The following PTPN1 variants were observed in gnomAD, a reference collection of about 807,000 sequenced individuals.
PTPN1 encodes the protein tyrosine-protein phosphatase non-receptor type 1.
Under a neutral mutation model 59.9 loss-of-function variants are expected in PTPN1, and 12 were observed. That is an observed-to-expected ratio of 0.20 (90% CI 0.13 to 0.32). The LOEUF (loss-of-function observed/expected upper bound fraction) is 0.32. PTPN1 is among the 10% of genes least tolerant of loss of function. The pLI is 1.00. For synonymous variants in PTPN1, 178 were observed against 203.6 expected (o/e 0.87, Z 1.07); for missense variants, 356 against 549.2 (o/e 0.65, Z 3.52).
chr20:50,550,495 A>G (rs771769076), intron 1 of PTPN1, among the ~76,000 whole-genome samples: 10 of 152,262 alleles, frequency 6.6e-5, no homozygotes, highest in African/African-American at 9.6e-5. Flanking sequence ...GTGTGGGTCA[A>G]CTGCAAATAA....
chr20:50,556,324 A>G (rs1330161229), intron 1 of PTPN1, among the ~76,000 whole-genome samples: 1 of 150,208 alleles, frequency 6.7e-6, no homozygotes, highest in Admixed American at 6.6e-5. Flanking sequence ...GTGTAGATGG[A>G]AGCACAGGTG....
intron 8 of PTPN1, 92 bp from the exon 9 acceptor site, chr20:50,581,173 G>GT (rs1380508098): frequency 3.3e-6 from 5 of 1,495,348 alleles, no homozygotes; most frequent in Non-Finnish European, 3.6e-6. Context: ...CACGTGGCTT[G>GT]TTTTTTCCTA....
chr20:50,572,547 C>T (rs1379531408), intron 4 of PTPN1: 1 of 152,154 alleles, frequency 6.6e-6, no homozygotes, highest in Non-Finnish European at 1.5e-5. Flanking sequence ...TGAGTGCTTG[C>T]TGTCTGGAGG....
Position 50,534,004 on chromosome 20 carries a change from C to T in PTPN1, c.63+23414C>T, listed in dbSNP as rs1424145780. Among the ~76,000 whole-genome samples, 4 of 152,182 alleles carry T rather than the reference C, an allele frequency of 2.6e-5. No individual in the cohort carries two copies. In the East Asian group the frequency reaches 7.7e-4, roughly 29 times the overall value. ...AAAGTGCAATGGCGCGATCTCGGCT[C>T]ACTGCAACCTCCGCCTCCCGAGTTC... On this transcript the variant is annotated intron_variant, in intron 1 of 9. Coordinates refer to ENST00000371621, the MANE Select transcript of PTPN1 (RefSeq NM_002827.4).
At chr20:50,548,708 G>A (rs1214546630) in intron 1 of PTPN1, among the ~76,000 whole-genome samples, 2 of 152,032 alleles carry the variant, frequency 1.3e-5, no homozygotes, top group Non-Finnish European at 2.9e-5. Context: ...ACCTGGCCAA[G>A]TATGTTTATT....
At chr20:50,564,499 CA>C (rs2082769539) in intron 2 of PTPN1, among the ~76,000 whole-genome samples, 1 of 152,168 alleles carries the variant, frequency 6.6e-6, no homozygotes, top group East Asian at 1.9e-4. Flanking sequence ...GAGGCTGAGG[CA>C]GGAGAAACAT....
intron 1 of PTPN1, among the ~76,000 whole-genome samples, chr20:50,524,733 C>T (rs1335834209): frequency 1.3e-5 from 2 of 151,546 alleles, no homozygotes; most frequent in African/African-American, 2.4e-5. Flanking sequence ...CCTGCCACTA[C>T]GCCCAGCTAA....
At chr20:50,551,514 A>T (rs78772188) in intron 1 of PTPN1, among the ~76,000 whole-genome samples, 7,676 of 152,262 alleles carry the variant, frequency 0.05, 279 homozygotes, top group Non-Finnish European at 0.077. Context: ...CTTTGGGCAC[A>T]CCCAAGCCTG....
intron 1 of PTPN1, among the ~76,000 whole-genome samples, chr20:50,525,366 AC>A: frequency 2.0e-5 from 3 of 152,354 alleles, no homozygotes; most frequent in Middle Eastern, 3.4e-3. Context: ...TGGCCTGGTT[AC>A]TTAAATTTAA....
intron 1 of PTPN1, among the ~76,000 whole-genome samples, chr20:50,528,198 C>T (rs2082585588): frequency 6.6e-6 from 1 of 152,198 alleles, no homozygotes; most frequent in Admixed American, 6.5e-5. Flanking sequence ...CCCCTTTCCA[C>T]AGGTCCAAGT....
intron 1 of PTPN1, among the ~76,000 whole-genome samples, chr20:50,518,506 G>C (rs978479652): frequency 2.0e-5 from 3 of 152,300 alleles, no homozygotes; most frequent in African/African-American, 7.2e-5. Flanking sequence ...GGGAAAATAC[G>C]CCTTCACTGA....
At chr20:50,514,995 G>A (rs1043547716) in intron 1 of PTPN1, among the ~76,000 whole-genome samples, 4 of 152,190 alleles carry the variant, frequency 2.6e-5, no homozygotes, top group African/African-American at 9.7e-5. Flanking sequence ...TGTTGCTTAT[G>A]AGCCTGCAAT....
rs2082880786 is a variant in PTPN1 at position 50,583,539 on chromosome 20, G to T, written c.*824G>T. ...TCTTGTGTCCTGATGAAAAATATGT[G>T]CTTGAAATGAGAAACTTTGATCTCT... is the stretch of plus-strand genomic sequence containing the variant. On this transcript the variant is annotated 3_prime_UTR_variant, in exon 10 of 10. Transcript: ENST00000371621. 1 of 152,268 alleles carries T rather than the reference G, an allele frequency of 6.6e-6. No individual in the cohort carries two copies. Among genetic ancestry groups the T allele is most frequent in the Non-Finnish European group, 1.5e-5 (1 of 68,070 alleles). 9.4% of individuals were successfully genotyped at this position (152,268 alleles called of 1,614,324 possible). A position where few individuals can be genotyped will look rare whatever the true frequency, so the allele number is the denominator to read the frequency against.
In PTPN1 at chr20:50,583,072, C is replaced by A. The variant is rs543779641; in HGVS notation, c.*357C>A. 6 of 306,294 alleles carry A rather than the reference C, an allele frequency of 2.0e-5. No homozygotes were observed. The highest frequency in any genetic ancestry group is 1.7e-4 in the East Asian group (3 of 17,906). The allele number at this position is 306,294 out of a possible 1,614,324, so 19.0% of individuals were successfully genotyped here. On this transcript the variant is annotated 3_prime_UTR_variant, in exon 10 of 10. Coordinates refer to ENST00000371621, the MANE Select transcript of PTPN1 (RefSeq NM_002827.4). The stretch of plus-strand genomic sequence containing the variant: ...CCCAGGCGGGCGGCACGCCAACAGC[C>A]CCCCCCTTGAATCTGCAGGGAGCAA...
At position 50,582,827 on chromosome 20, in the gene PTPN1, C is replaced by A; in HGVS notation, c.*112C>A. 1 of 1,348,060 alleles carries A rather than the reference C, an allele frequency of 7.4e-7. No individual in the cohort carries two copies. The allele number at this position is 1,348,060 out of a possible 1,614,324, so 83.5% of individuals were successfully genotyped here. On this transcript the variant is annotated 3_prime_UTR_variant, in exon 10 of 10. Coordinates refer to ENST00000371621, the MANE Select transcript of PTPN1 (RefSeq NM_002827.4). The surrounding 1 kb of genome is among the most constrained non-coding windows in gnomAD (Gnocchi z 4.2). ...AAGGGCCGCCGGACCGCGTAGAGAG[C>A]CGGGCCCCGGACGGACGTTGGTTCT...
rs1431961009 is a variant in PTPN1 at position 50,530,839 on chromosome 20, A to G, written c.63+20249A>G. ...CTCCCAAGTAACTGAGACTACAGGCATGTACCACTGTGCCCAGCTAATTGT... is the reference window on the plus strand; with the variant it reads ...CTCCCAAGTAACTGAGACTACAGGCGTGTACCACTGTGCCCAGCTAATTGT... On this transcript the variant is annotated intron_variant, in intron 1 of 9. Transcript: ENST00000371621. Among the ~76,000 whole-genome samples the G allele has an allele frequency of 4.6e-5, 7 of 152,096 alleles. No individual in the cohort carries two copies. The East Asian group carries it at 1.2e-3, about 25-fold the overall frequency.
chr20:50,572,925 C>G (rs953461203), intron 4 of PTPN1: 1 of 152,186 alleles, frequency 6.6e-6, no homozygotes, highest in African/African-American at 2.4e-5. Context: ...GGCAACTCAT[C>G]ATTGATCCAG....
At chr20:50,575,453 A>G (rs1420224339) in intron 5 of PTPN1, among the ~76,000 whole-genome samples, 4 of 152,158 alleles carry the variant, frequency 2.6e-5, no homozygotes, top group African/African-American at 7.2e-5. Context: ...AAGGGTTAGC[A>G]GTTACCATGG....
At chr20:50,569,024 C>A in intron 4 of PTPN1, among the ~76,000 whole-genome samples, 1 of 152,172 alleles carries the variant, frequency 6.6e-6, no homozygotes, top group Non-Finnish European at 1.5e-5. Flanking sequence ...TCAAACACCC[C>A]TCGGGCTAGC....
Sources: gnomAD v4.1 joint callset for allele counts (sites outside exome capture counted in the v4.1 genomes callset) on GRCh38, gnomAD v4.1.1 for gene constraint, Gnocchi (gnomAD v3.1) non-coding constraint, MANE v1.5 for transcripts, NCBI Gene and HGNC (gene_info 2026-07-23, HGNC 2026-07-21) for gene names.